The following CNTFR variants were observed in gnomAD, a reference collection of about 807,000 sequenced individuals.
The protein encoded by CNTFR is ciliary neurotrophic factor receptor.
In CNTFR, 12 loss-of-function variants were observed where a neutral mutation model predicts 40.4. The observed-to-expected ratio is 0.30, with a 90% CI of 0.19 to 0.48. The LOEUF (loss-of-function observed/expected upper bound fraction) is 0.48, where lower values mean the gene tolerates loss of function less well. Ranked by LOEUF, CNTFR falls within the 20% of genes least tolerant of loss-of-function variation. The probability of loss-of-function intolerance (pLI) is 0.99; values close to 1 mark genes in which losing one functional copy is unlikely to be tolerated. For synonymous variants in CNTFR, 202 were observed against 209.6 expected, an observed-to-expected ratio of 0.96 and a Z score of 0.31; for missense variants, 414 against 506.8, an observed-to-expected ratio of 0.82 and a Z score of 1.76.
chr9:34,568,859 G>A (rs41274859), intron 3 of CNTFR, 38 bp downstream of exon 3: 44,313 of 1,538,862 alleles, frequency 0.029, 738 homozygotes, highest in Admixed American at 0.036. Flanking sequence ...GCCCAGCTCT[G>A]AGAGGGGGGT....
At chr9:34,556,214 T>TAACA (rs779455679) in intron 7 of CNTFR, 41 bp downstream of exon 7, 2 of 1,590,550 alleles carry the variant, frequency 1.3e-6, no homozygotes, top group East Asian at 2.3e-5. Context: ...CACATGATTC[T>TAACA]AACTCAGGCA....
intron 3 of CNTFR, among the ~76,000 whole-genome samples, chr9:34,568,609 C>T (rs771187164): frequency 3.9e-5 from 6 of 152,114 alleles, no homozygotes; most frequent in Admixed American, 1.3e-4. Flanking sequence ...ATACAGGTCC[C>T]GCCCCAGCCT....
At chr9:34,576,734 A>T (rs1295606184) in intron 2 of CNTFR, among the ~76,000 whole-genome samples, 1 of 152,246 alleles carries the variant, frequency 6.6e-6, no homozygotes, top group Non-Finnish European at 1.5e-5. Context: ...CACTGGAATC[A>T]GCAAGAGCCA....
intron 2 of CNTFR, among the ~76,000 whole-genome samples, chr9:34,576,764 C>T (rs1230538276): frequency 2.0e-5 from 3 of 152,164 alleles, no homozygotes; most frequent in Non-Finnish European, 2.9e-5. Context: ...AGAAATCAGC[C>T]GACTTCCCAG....
intron 3 of CNTFR, among the ~76,000 whole-genome samples, chr9:34,565,195 C>T (rs1826232144): frequency 6.6e-6 from 1 of 151,986 alleles, no homozygotes; most frequent in African/African-American, 2.4e-5. Flanking sequence ...TTTAAAGTTT[C>T]CTGACCCCCA....
At chr9:34,589,758 C>T (rs1827702287), upstream of CNTFR, 1 of 151,120 alleles carries the variant, frequency 6.6e-6, no homozygotes, top group Middle Eastern at 3.2e-3. This position sits in a 1 kb window ranked among gnomAD's most constrained non-coding sequence, Gnocchi z 4.4. Context: ...CTTTAACCCC[C>T]CCATCCTCCT....
In CNTFR at chr9:34,557,198, G is replaced by GA. The variant is rs904840046; in HGVS notation, c.604+327_604+328insT. Among the ~76,000 whole-genome samples, 5 of 151,354 alleles carry GA rather than the reference G, an allele frequency of 3.3e-5. No individual in the cohort carries two copies. The highest frequency in any genetic ancestry group is 7.4e-5 in the Non-Finnish European group (5 of 67,744). ...GTAAGGAAGCCATTAGAGTTGGGGG[G>GA]GGGTGCGGTGGAGGCTGCAGCTGCA... On this transcript the variant is annotated intron_variant, in intron 6 of 9. Transcript: ENST00000378980. The surrounding 1 kb of genome is among the most constrained non-coding windows in gnomAD (Gnocchi z 4.2).
At chr9:34,583,807 G>T (rs1178698974) in intron 1 of CNTFR, among the ~76,000 whole-genome samples, 1 of 152,080 alleles carries the variant, frequency 6.6e-6, no homozygotes, top group African/African-American at 2.4e-5. Flanking sequence ...CCGGGCCTGG[G>T]CCAGGGCCCA....
In CNTFR at chr9:34,565,952, G is replaced by C. The variant is rs1050516251; in HGVS notation, c.86-1120C>G. Among the ~76,000 whole-genome samples the C allele has an allele frequency of 2.0e-5, 3 of 151,944 alleles. No individual in the cohort carries two copies. In the South Asian group the frequency reaches 6.2e-4, roughly 32 times the overall value. Reference sequence around the variant, plus strand: ...AGGGGGAGAGGGCAGCAGTTGGGGTGGGGGGCTGCGGGATCCCTCGTTAAC... The same window carrying C: ...AGGGGGAGAGGGCAGCAGTTGGGGTCGGGGGCTGCGGGATCCCTCGTTAAC... On this transcript the variant is annotated intron_variant, in intron 3 of 9. Coordinates refer to ENST00000378980, the MANE Select transcript of CNTFR (RefSeq NM_147164.3).
chr9:34,563,261 A>T (rs922532952), intron 4 of CNTFR, among the ~76,000 whole-genome samples: 1 of 152,208 alleles, frequency 6.6e-6, no homozygotes, highest in Non-Finnish European at 1.5e-5. Context: ...TTCGCCTAAG[A>T]GCTTTCTTTT....
chr9:34,555,328 G>A (rs2132121716), intron 7 of CNTFR, among the ~76,000 whole-genome samples: 1 of 152,244 alleles, frequency 6.6e-6, no homozygotes, highest in East Asian at 1.9e-4. Flanking sequence ...AGGGGCATGA[G>A]GAGCTGGAGT....
intron 2 of CNTFR, among the ~76,000 whole-genome samples, chr9:34,577,897 C>A (rs2132234367): frequency 6.6e-6 from 1 of 151,408 alleles, no homozygotes; most frequent in Non-Finnish European, 1.5e-5. Flanking sequence ...GGGGCGGAGG[C>A]CGAGAAAGGA....
intron 6 of CNTFR, among the ~76,000 whole-genome samples, chr9:34,556,795 C>A (rs559740107): frequency 1.3e-3 from 199 of 152,204 alleles, no homozygotes; most frequent in African/African-American, 4.4e-3. Context: ...TGGACTACCC[C>A]CTCCTACACC....
At position 34,568,877 on chromosome 9, in the gene CNTFR, C is replaced by T. The variant is rs1025474720; in HGVS notation, c.85+20G>A. On this transcript the variant is annotated intron_variant, in intron 3 of 9. Transcript: ENST00000378980. Reference sequence around the variant, plus strand: ...CAGCTCTGAGAGGGGGGTCAGCAGGCGGCTCCCGTGAGCACTCACCCTGTG... The same window carrying T: ...CAGCTCTGAGAGGGGGGTCAGCAGGTGGCTCCCGTGAGCACTCACCCTGTG... 1.2e-5 allele frequency: 18 copies of T among 1,564,840 alleles called. No individual in the cohort carries two copies. The highest frequency in any genetic ancestry group is 1.7e-4 in the Middle Eastern group (1 of 6,016).
chr9:34,586,145 G>A lies in CNTFR; in HGVS notation c.-112+3410C>T, dbSNP rs1468396819. 2.6e-5 allele frequency among the ~76,000 whole-genome samples: 4 copies of A among 152,320 alleles called. No homozygotes were observed. The East Asian group carries it at 7.7e-4, about 29-fold the overall frequency. The stretch of plus-strand genomic sequence containing the variant: ...ACTGATGTTCATAGCAGCAGAGCAC[G>A]CAAAGTCCAGGGCAGGGTCTCCACG... On this transcript the variant is annotated intron_variant, in intron 1 of 9. Transcript: ENST00000378980.
At chr9:34,553,924 G>A (rs1279542765) in intron 7 of CNTFR, among the ~76,000 whole-genome samples, 1 of 152,148 alleles carries the variant, frequency 6.6e-6, no homozygotes, top group Non-Finnish European at 1.5e-5. Flanking sequence ...CTTCCCCCGA[G>A]AAAACTGGGG....
At chr9:34,558,112 G>A (rs1402325659) in intron 4 of CNTFR, 128 bp from the exon 5 acceptor site, 5 of 613,580 alleles carry the variant, frequency 8.1e-6, no homozygotes, top group East Asian at 2.9e-5. Flanking sequence ...AAGTTGTGGC[G>A]GGGAGGCTGT....
chr9:34,578,236 C>G (rs965584027), intron 2 of CNTFR, among the ~76,000 whole-genome samples: 2 of 152,090 alleles, frequency 1.3e-5, no homozygotes, highest in Non-Finnish European at 2.9e-5. Flanking sequence ...GCAAGCGGGC[C>G]GGGAGGAGGG....
At chr9:34,555,447 TCACA>T in intron 7 of CNTFR, among the ~76,000 whole-genome samples, 1 of 151,974 alleles carries the variant, frequency 6.6e-6, no homozygotes, top group Middle Eastern at 3.4e-3. Context: ...GCCTCATGGG[TCACA>T]CAGAGTGCCC....
Sources: allele counts gnomAD v4.1 joint callset (sites outside exome capture counted in the v4.1 genomes callset), GRCh38; gene constraint gnomAD v4.1.1; non-coding constraint Gnocchi (gnomAD v3.1); transcripts MANE v1.5; gene names NCBI Gene and HGNC (gene_info 2026-07-23, HGNC 2026-07-21).